COL5A1: variants seen among roughly 807,000 people sequenced by gnomAD.
COL5A1 encodes the protein collagen type V alpha 1 chain.
COL5A1 carries 16 observed loss-of-function variants against 263.7 expected under a neutral mutation model. The observed-to-expected ratio is 0.06, with a 90% CI of 0.04 to 0.09. The LOEUF (loss-of-function observed/expected upper bound fraction) is 0.09, where lower values mean the gene tolerates loss of function less well. Among genes scored for constraint, COL5A1 ranks in the 10% least tolerant of loss-of-function variants. COL5A1 has a pLI of 1.00. For synonymous variants in COL5A1, 1,012 were observed against 1,004.5 expected (o/e 1.01, Z -0.14); for missense variants, 2,036 against 2,540.5 (o/e 0.80, Z 4.27).
At position 134,700,056 on chromosome 9, in the gene COL5A1, A is replaced by G; in HGVS notation, c.425A>G (p.Asp142Gly). Residue 142 changes from aspartate (D) to glycine (G), a missense_variant, in exon 3 of 66, where the codon GAC becomes GGC. By Grantham distance (94) the Asp-to-Gly change is moderately conservative. Coordinates refer to ENST00000371817, the MANE Select transcript of COL5A1 (RefSeq NM_000093.5). This position sits in a 1 kb window ranked among gnomAD's most constrained non-coding sequence, Gnocchi z 4.0. ...CGCTCTCCCGTCTTCCTCTACGAGG[A>G]CCACACGGGGAAGCCTGGCCCGGAA... The part of the protein sequence containing the change: ...LGRSPVFLYE[D>G]HTGKPGPEDY... 1 of 1,613,112 alleles carries G rather than the reference A, an allele frequency of 6.2e-7. No individual in the cohort carries two copies. Among genetic ancestry groups the G allele is most frequent in the Non-Finnish European group, 8.5e-7 (1 of 1,180,036 alleles).
chr9:134,688,058 CT>C (rs1833140275), intron 1 of COL5A1, among the ~76,000 whole-genome samples: 1 of 152,218 alleles, frequency 6.6e-6, no homozygotes, highest in Admixed American at 6.5e-5. Context: ...CCAACCTTTT[CT>C]TTTTCAAAAA....
intron 1 of COL5A1, among the ~76,000 whole-genome samples, chr9:134,673,714 T>TA (rs1208052840): frequency 6.6e-6 from 1 of 152,180 alleles, no homozygotes; most frequent in Non-Finnish European, 1.5e-5. Context: ...AAAAAGCTGA[T>TA]AAATCAGACT....
At chr9:134,662,966 A>G (rs553881520) in intron 1 of COL5A1, among the ~76,000 whole-genome samples, 25 of 152,296 alleles carry the variant, frequency 1.6e-4, no homozygotes, top group African/African-American at 4.8e-4. Flanking sequence ...GTGAGCCTCC[A>G]TGTTTGGAAA....
intron 20 of COL5A1, among the ~76,000 whole-genome samples, chr9:134,764,999 C>T (rs775246736): frequency 5.3e-5 from 8 of 152,122 alleles, no homozygotes; most frequent in Admixed American, 2.0e-4. Context: ...TGTAATTCTC[C>T]GTGGGTGGGG....
chr9:134,812,090 A>G (rs763838578), intron 46 of COL5A1, among the ~76,000 whole-genome samples: 16 of 152,170 alleles, frequency 1.1e-4, no homozygotes, highest in South Asian at 4.1e-4. Context: ...GCCATTACAC[A>G]TGACTTTCTA....
chr9:134,813,175 G>A (rs957557702), intron 48 of COL5A1, among the ~76,000 whole-genome samples: 1 of 151,752 alleles, frequency 6.6e-6, no homozygotes, highest in Non-Finnish European at 1.5e-5. Context: ...CAGACTCCAT[G>A]AGCGTCATGG....
At chr9:134,800,749 C>CAAAAAAAAAAAAAA (rs397951217) in intron 37 of COL5A1, among the ~76,000 whole-genome samples, 1 of 81,600 alleles carries the variant, frequency 1.2e-5, no homozygotes, top group African/African-American at 4.5e-5. Flanking sequence ...CTGTCTCAAA[C>CAAAAAAAAAAAAAA]AAAAAAAAAA....
intron 42 of COL5A1, among the ~76,000 whole-genome samples, chr9:134,807,720 C>T (rs953856028): frequency 6.6e-6 from 1 of 152,178 alleles, no homozygotes; most frequent in African/African-American, 2.4e-5. Context: ...AGAATCTGTT[C>T]AATACATTAT....
chr9:134,676,585 T>C (rs757473926), intron 1 of COL5A1, among the ~76,000 whole-genome samples: 13 of 152,272 alleles, frequency 8.5e-5, no homozygotes, highest in Non-Finnish European at 1.5e-4. Flanking sequence ...ATTGAGATCC[T>C]GCAAAATTGC....
chr9:134,705,995 C>A (rs1833823668), intron 4 of COL5A1, among the ~76,000 whole-genome samples: 1 of 152,216 alleles, frequency 6.6e-6, no homozygotes, highest in Admixed American at 6.5e-5. Flanking sequence ...CACAGCAGCC[C>A]CTCAGCAAGG....
At chr9:134,685,093 A>ATCATCCTCCCATTCATCCG (rs1832979445) in intron 1 of COL5A1, among the ~76,000 whole-genome samples, 1 of 144,318 alleles carries the variant, frequency 6.9e-6, no homozygotes, top group African/African-American at 2.6e-5. Context: ...CCCACCATCC[A>ATCATCCTCCCATTCATCCG]TCCATCCACC....
Position 134,742,405 on chromosome 9 carries a change from C to G in COL5A1, c.1494+3597C>G, listed in dbSNP as rs1215665319. Among the ~76,000 whole-genome samples, 1 of 152,112 alleles carries G rather than the reference C, an allele frequency of 6.6e-6. No individual in the cohort carries two copies. The highest frequency in any genetic ancestry group is 1.5e-5 in the Non-Finnish European group (1 of 68,026). On this transcript the variant is annotated intron_variant, in intron 11 of 65. Coordinates refer to ENST00000371817, the MANE Select transcript of COL5A1 (RefSeq NM_000093.5). The surrounding 1 kb of genome is among the most constrained non-coding windows in gnomAD (Gnocchi z 4.6). Reference sequence around the variant, plus strand: ...AGCTGGGAATCCCGAGATGGGAGGTCTGGAGCGGCTGTGTCCGGGTGGAGA... The same window carrying G: ...AGCTGGGAATCCCGAGATGGGAGGTGTGGAGCGGCTGTGTCCGGGTGGAGA...
intron 4 of COL5A1, among the ~76,000 whole-genome samples, chr9:134,715,140 G>A (rs1044014477): frequency 1.3e-5 from 2 of 152,026 alleles, no homozygotes; most frequent in African/African-American, 4.8e-5. Flanking sequence ...TCTCAGAGAG[G>A]GGGATGTGGC....
intron 14 of COL5A1, 73 bp from the exon 15 acceptor site, chr9:134,753,777 G>GGCCCCC: frequency 1.6e-6 from 1 of 622,730 alleles, no homozygotes; most frequent in Non-Finnish European, 2.8e-6. Context: ...CCCCTCCCCT[G>GGCCCCC]CCACCCCCAG....
chr9:134,751,175 C>T (rs978558112), intron 13 of COL5A1, among the ~76,000 whole-genome samples: 13 of 151,008 alleles, frequency 8.6e-5, no homozygotes, highest in Non-Finnish European at 1.5e-4. Context: ...TGTCACTGTC[C>T]AGTAGGGACC....
At chr9:134,804,922 G>A (rs1014025074) in intron 39 of COL5A1, 53 bp from the exon 40 acceptor site, 2 of 1,498,098 alleles carry the variant, frequency 1.3e-6, no homozygotes, top group Non-Finnish European at 1.9e-6. Flanking sequence ...TGGGGCTGGT[G>A]AGAGGTCTGC....
Position 134,757,929 on chromosome 9 carries a change from G to C in COL5A1, c.1882-314G>C, listed in dbSNP as rs562230379. Among the ~76,000 whole-genome samples the C allele has an allele frequency of 1.3e-5, 2 of 152,274 alleles. No homozygotes were observed. The highest frequency in any genetic ancestry group is 4.2e-4 in the South Asian group (2 of 4,812). On this transcript the variant is annotated intron_variant, in intron 17 of 65. Transcript: ENST00000371817. The surrounding 1 kb of genome is among the most constrained non-coding windows in gnomAD (Gnocchi z 6.2). The stretch of plus-strand genomic sequence containing the variant: ...CCTGGGGTGGGGGAGATCAGCAGCA[G>C]ACACTCACACACACGGGAAACTGCA...
chr9:134,830,663 A>C (rs536622560), intron 64 of COL5A1, among the ~76,000 whole-genome samples: 198 of 152,346 alleles, frequency 1.3e-3, no homozygotes, highest in African/African-American at 4.5e-3. Flanking sequence ...ACCGGGCTGC[A>C]GATTCCCAGT....
At chr9:134,661,159 G>T (rs1832192018) in intron 1 of COL5A1, among the ~76,000 whole-genome samples, 1 of 151,584 alleles carries the variant, frequency 6.6e-6, no homozygotes, top group African/African-American at 2.4e-5. Flanking sequence ...GCCTAGGGTG[G>T]CCTGGGGAGT....
Sources: allele counts gnomAD v4.1 joint callset (sites outside exome capture counted in the v4.1 genomes callset), GRCh38; gene constraint gnomAD v4.1.1; non-coding constraint Gnocchi (gnomAD v3.1); transcripts MANE v1.5; gene names NCBI Gene and HGNC (gene_info 2026-07-23, HGNC 2026-07-21).